Variants in CDH23 observed in about 807,000 individuals in gnomAD.
The protein encoded by CDH23 is cadherin related 23.
Under a neutral mutation model 317.1 loss-of-function variants are expected in CDH23, and 189 were observed. The ratio of observed to expected loss-of-function variants is 0.60; its 90% CI spans 0.53 to 0.67. The LOEUF (loss-of-function observed/expected upper bound fraction) is 0.67. CDH23 is among the 30% of genes least tolerant of loss of function. The pLI is 0.00. For missense variants in CDH23, 4,401 were observed against 4,592.4 expected (o/e 0.96, Z 1.20); for synonymous variants, 1,839 against 1,876.8 (o/e 0.98, Z 0.52).
At chr10:71,652,777 G>C (rs1589299082) in intron 14 of CDH23, among the ~76,000 whole-genome samples, 2 of 152,304 alleles carry the variant, frequency 1.3e-5, no homozygotes, top group South Asian at 4.1e-4. Context: ...CCTGGGCAAG[G>C]ACACCACCCT....
At chr10:71,712,464 C>A in intron 27 of CDH23, 1 of 581,892 alleles carries the variant, frequency 1.7e-6, no homozygotes, top group Non-Finnish European at 3.1e-6. Flanking sequence ...AGAAGAATGG[C>A]TGGCACATGG....
chr10:71,810,727 CAG>C (rs1483646341), intron 62 of CDH23, among the ~76,000 whole-genome samples, 158 bp downstream of exon 62: 3 of 152,222 alleles, frequency 2.0e-5, no homozygotes, highest in African/African-American at 7.2e-5. Context: ...GGAGAGAGAG[CAG>C]AGTTTGGGGG....
chr10:71,400,911 A>G (rs1305971460), intron 1 of CDH23, among the ~76,000 whole-genome samples: 2 of 152,198 alleles, frequency 1.3e-5, no homozygotes, highest in South Asian at 4.1e-4. Flanking sequence ...GTAAAAATTG[A>G]CCTAATTTCC....
chr10:71,637,055 G>C (rs1415355351), intron 11 of CDH23, among the ~76,000 whole-genome samples: 1 of 152,198 alleles, frequency 6.6e-6, no homozygotes, highest in Non-Finnish European at 1.5e-5. Flanking sequence ...AGCTGGCTTT[G>C]AGTTGAAGGT....
At chr10:71,559,704 T>C (rs1170198710) in intron 6 of CDH23, among the ~76,000 whole-genome samples, 1 of 152,180 alleles carries the variant, frequency 6.6e-6, no homozygotes, top group Non-Finnish European at 1.5e-5. Context: ...CCTCGAGCCA[T>C]GTCAGGGTGT....
At chr10:71,590,605 C>A (rs147893660) in intron 9 of CDH23, among the ~76,000 whole-genome samples, 9 of 152,224 alleles carry the variant, frequency 5.9e-5, no homozygotes, top group African/African-American at 2.2e-4. Context: ...TTTATAATGA[C>A]AGTGGTAGTA....
chr10:71,812,088 T>C, intron 66 of CDH23, 73 bp downstream of exon 66: 2 of 1,611,386 alleles, frequency 1.2e-6, no homozygotes, highest in Non-Finnish European at 1.7e-6. Context: ...AGAGCTGCAG[T>C]CTCCCAGCGC....
At chr10:71,489,058 T>C (rs1852504693) in intron 3 of CDH23, among the ~76,000 whole-genome samples, 1 of 152,244 alleles carries the variant, frequency 6.6e-6, no homozygotes, top group Non-Finnish European at 1.5e-5. Context: ...CTATGACCTA[T>C]CTGGGTTTGA....
Position 71,615,597 on chromosome 10 carries a change from G to T in CDH23, c.926G>T (p.Gly309Val), listed in dbSNP as rs1238576954. 1 of 1,613,672 alleles carries T rather than the reference G, an allele frequency of 6.2e-7. No individual in the cohort carries two copies. ...LDRENPLYSH[G>V]FILTVKGTEL... ...CGGGAGAACCCCCTGTACAGCCATG[G>T]CTTCATCCTGACTGTGAAGGTGAGA... The change falls in exon 10 of 70, where the codon GGC becomes GTC. Residue 309 changes from glycine to valine, a missense_variant. This residue lies in a region of CDH23 where 3,068 missense variants were observed against 3,203.3 expected (regional missense o/e 0.96). Transcript: ENST00000224721.
At chr10:71,439,122 GC>G (rs1849754621) in intron 1 of CDH23, among the ~76,000 whole-genome samples, 1 of 152,080 alleles carries the variant, frequency 6.6e-6, no homozygotes, top group Non-Finnish European at 1.5e-5. Flanking sequence ...TGTCAACTGA[GC>G]CCCCGATCTC....
intron 3 of CDH23, among the ~76,000 whole-genome samples, chr10:71,493,286 A>G (rs1217051425): frequency 6.6e-6 from 1 of 152,198 alleles, no homozygotes; most frequent in Non-Finnish European, 1.5e-5. Context: ...AGAGAGGCCC[A>G]GGTTCCCCAC....
In CDH23 at chr10:71,460,778, G is replaced by A. The variant is rs562311542; in HGVS notation, c.145+14383G>A. Among the ~76,000 whole-genome samples, 3 of 152,330 alleles carry A rather than the reference G, an allele frequency of 2.0e-5. No homozygotes were observed. In the East Asian group the frequency reaches 5.8e-4, roughly 29 times the overall value. Reference sequence around the variant, plus strand: ...CCGTCTCTTGCCCTGTCCTGCTCCTGAATGTGGAGTTGGGGCGGTAGTGGC... The same window carrying A: ...CCGTCTCTTGCCCTGTCCTGCTCCTAAATGTGGAGTTGGGGCGGTAGTGGC... On this transcript the variant is annotated intron_variant, in intron 3 of 69. Transcript: ENST00000224721.
At position 71,647,085 on chromosome 10, in the gene CDH23, A is replaced by G. The variant is rs1862931389; in HGVS notation, c.1449+468A>G. 6.1e-6 allele frequency: 6 copies of G among 985,264 alleles called. No homozygotes were observed. In the South Asian group the frequency reaches 2.8e-4, roughly 46 times the overall value. 61.0% of individuals were successfully genotyped at this position (985,264 alleles called of 1,614,324 possible). Reference sequence around the variant, plus strand: ...AAGGGGCCCTCCCAGTGTCATTTGTATCTGTCAGTACTCTTGGTTGCAAGG... The same window carrying G: ...AAGGGGCCCTCCCAGTGTCATTTGTGTCTGTCAGTACTCTTGGTTGCAAGG... On this transcript the variant is annotated intron_variant, in intron 14 of 69. Transcript: ENST00000224721.
chr10:71,716,407 G>C, intron 28 of CDH23: 18 of 1,317,444 alleles, frequency 1.4e-5, no homozygotes, highest in Non-Finnish European at 1.8e-5. Flanking sequence ...CGGGTATAGG[G>C]AAGACTTACC....
intron 6 of CDH23, among the ~76,000 whole-genome samples, chr10:71,515,392 T>TCACACACA (rs1297100192): frequency 9.6e-5 from 3 of 31,224 alleles, no homozygotes; most frequent in African/African-American, 4.0e-4. Flanking sequence ...TCTCTCTCTC[T>TCACACACA]CTCACACACA....
At chr10:71,441,359 A>C (rs569017415) in intron 2 of CDH23, among the ~76,000 whole-genome samples, 1 of 151,648 alleles carries the variant, frequency 6.6e-6, no homozygotes, top group South Asian at 2.1e-4. Context: ...CTCCCCGGGG[A>C]CTCTGCCACC....
chr10:71,420,549 TATG>T (rs1242061628), intron 1 of CDH23, among the ~76,000 whole-genome samples: 7 of 8,442 alleles, frequency 8.3e-4, no homozygotes, highest in African/African-American at 2.5e-3. Flanking sequence ...ATGATGGTGA[TATG>T]ATGATGGTGA....
chr10:71,491,957 C>T (rs948338414), intron 3 of CDH23, among the ~76,000 whole-genome samples: 8 of 152,182 alleles, frequency 5.3e-5, no homozygotes, highest in African/African-American at 1.9e-4. Context: ...GAGGTCACGT[C>T]CAGGGCTTAT....
At chr10:71,439,519 C>T (rs559126017) in intron 1 of CDH23, among the ~76,000 whole-genome samples, 3 of 152,216 alleles carry the variant, frequency 2.0e-5, no homozygotes, top group African/African-American at 7.2e-5. Flanking sequence ...ATATGTCACT[C>T]TTTGCCCAGA....
Sources: allele counts gnomAD v4.1 joint callset (sites outside exome capture counted in the v4.1 genomes callset), GRCh38; gene constraint gnomAD v4.1.1; regional missense constraint gnomAD v4.1.1; transcripts MANE v1.5; gene names NCBI Gene and HGNC (gene_info 2026-07-23, HGNC 2026-07-21).